Variants in CYP2C8 observed in about 807,000 individuals in gnomAD.
CYP2C8 encodes cytochrome P450 family 2 subfamily C member 8.
CYP2C8 carries 51 observed loss-of-function variants against 41.3 expected under a neutral mutation model. That is an observed-to-expected ratio of 1.24 (90% confidence interval 0.99 to 1.56). The LOEUF is 1.56. Among genes scored for constraint, CYP2C8 ranks in the 40% most tolerant of loss-of-function variants. CYP2C8 has a pLI of 0.00. For missense variants in CYP2C8, 651 were observed against 579.9 expected (o/e 1.12, Z -1.26); for synonymous variants, 218 against 205.8 (o/e 1.06, Z -0.51).
chr10:95,063,689 C>T (rs1348324801), intron 4 of CYP2C8, among the ~76,000 whole-genome samples: 1 of 152,250 alleles, frequency 6.6e-6, no homozygotes, highest in Non-Finnish European at 1.5e-5. Context: ...TGAGGAGCTG[C>T]ATTCCTTTGG....
chr10:95,064,288 T>A (rs951446463), intron 4 of CYP2C8, among the ~76,000 whole-genome samples: 1 of 152,068 alleles, frequency 6.6e-6, no homozygotes, highest in African/African-American at 2.4e-5. Flanking sequence ...CAGATCGAGC[T>A]TCCTGGTGGT....
At chr10:95,047,686 G>GT (rs1484105756) in intron 5 of CYP2C8, among the ~76,000 whole-genome samples, 1 of 152,140 alleles carries the variant, frequency 6.6e-6, no homozygotes, top group East Asian at 1.9e-4. Flanking sequence ...ATAAAGAAGA[G>GT]TAGGGGCAAT....
At chr10:95,053,645 C>T (rs181872935) in intron 5 of CYP2C8, among the ~76,000 whole-genome samples, 1,616 of 152,174 alleles carry the variant, frequency 0.011, 25 homozygotes, top group African/African-American at 0.037. Context: ...AAACATCGTT[C>T]TCAGCAAACT....
chr10:95,045,999 T>G, intron 5 of CYP2C8, 48 bp from the exon 6 acceptor site: 6 of 1,600,348 alleles, frequency 3.7e-6, no homozygotes, highest in Non-Finnish European at 4.3e-6. Flanking sequence ...TGCCAGTATA[T>G]CTAAATACAC....
intron 6 of CYP2C8, among the ~76,000 whole-genome samples, chr10:95,044,937 C>A (rs897668274): frequency 6.6e-6 from 1 of 152,208 alleles, no homozygotes. Flanking sequence ...TGTCAATTGT[C>A]AGCCCTCCAT....
At chr10:95,043,459 T>G (rs886179972) in intron 6 of CYP2C8, among the ~76,000 whole-genome samples, 1 of 152,214 alleles carries the variant, frequency 6.6e-6, no homozygotes, top group African/African-American at 2.4e-5. Context: ...AATGGTTTTA[T>G]AAATATATTT....
At position 95,067,362 on chromosome 10, in the gene CYP2C8, T is replaced by TAA. The variant is rs11572078; in HGVS notation, c.332-7_332-6dup. On this transcript the variant is annotated splice_region_variant and splice_polypyrimidine_tract_variant and intron_variant, in intron 2 of 8. Transcript: ENST00000371270. ...TTCCATTGCTGGAAATGATTCCTAA[T>TAA]AAAAAAAGGGGCAGAAACTGGGAGA... is the stretch of plus-strand genomic sequence containing the variant. 7.3e-5 allele frequency: 117 copies of TAA among 1,613,588 alleles called. 1 individual carries two copies. In the Middle Eastern group the frequency reaches 1.2e-3, roughly 16 times the overall value.
At chr10:95,043,809 A>G (rs1475573316) in intron 6 of CYP2C8, among the ~76,000 whole-genome samples, 1 of 151,834 alleles carries the variant, frequency 6.6e-6, no homozygotes, top group African/African-American at 2.4e-5. Context: ...TTAGACCACA[A>G]TTTCTGGTTA....
At chr10:95,061,597 G>T (rs562313332) in intron 4 of CYP2C8, among the ~76,000 whole-genome samples, 1 of 152,176 alleles carries the variant, frequency 6.6e-6, no homozygotes, top group South Asian at 2.1e-4. Flanking sequence ...CTAGCTCCTG[G>T]ATTCATTGAT....
rs761921124 is a variant in CYP2C8 at position 95,042,887 on chromosome 10, T to C, written c.1149+3A>G. The C allele has an allele frequency of 6.2e-7, 1 of 1,612,322 alleles. No individual in the cohort carries two copies. The highest frequency in any genetic ancestry group is 8.5e-7 in the Non-Finnish European group (1 of 1,178,358). ...AAATATAGTGTAAGAGAAACAAGCT[T>C]ACCTTGGGGATGAGGTAGTTTCTGA... On this transcript the variant is annotated splice_donor_region_variant and intron_variant, in intron 7 of 8. Transcript: ENST00000371270.
intron 5 of CYP2C8, among the ~76,000 whole-genome samples, chr10:95,054,411 T>C (rs2033272721): frequency 1.3e-5 from 2 of 152,062 alleles, no homozygotes; most frequent in African/African-American, 4.8e-5. Context: ...AAATTTCTTA[T>C]GAGAAAATGT....
rs1204255739 is a variant in CYP2C8, at chr10:95,069,220, A to G, written c.168+15T>C. ...ACCCTTTGCAATTGGCTGGAGGAAC[A>G]TAAGGCAGACTTACATTGGTGAAAG... On this transcript the variant is annotated intron_variant, in intron 1 of 8. Transcript: ENST00000371270. The G allele has an allele frequency of 6.2e-7, 1 of 1,614,036 alleles. No homozygotes were observed. Among genetic ancestry groups the G allele is most frequent in the African/African-American group, 1.3e-5 (1 of 74,952 alleles).
rs181052138 is a variant in CYP2C8 at position 95,039,009 on chromosome 10, G to A, written c.1179C>T (p.Ser393=). The change falls in exon 8 of 9, where the codon TCC becomes TCT. Residue 393 remains serine (S), a synonymous_variant. Transcript: ENST00000371270. ...GAAATTCTTTGTCATCATGTAGCACGGAAGTCAGTAATGCCATTATGGTTG... is the reference window on the plus strand; with the variant it reads ...GAAATTCTTTGTCATCATGTAGCACAGAAGTCAGTAATGCCATTATGGTTG... ...KGTTIMALLT[S]VLHDDKEFPN... 2.1e-5 allele frequency: 34 copies of A among 1,613,494 alleles called. No individual in the cohort carries two copies. Among genetic ancestry groups the A allele is most frequent in the African/African-American group, 8.0e-5 (6 of 75,032 alleles).
At position 95,039,193 on chromosome 10, in the gene CYP2C8, G is replaced by A. The variant is rs530262693; in HGVS notation, c.1150-155C>T. ...TTACATGGATGAGCTTAAGGCCAGT[G>A]GTGGAAGCTTGCTAAAGAGCTTTCC... On this transcript the variant is annotated intron_variant, in intron 7 of 8. Transcript: ENST00000371270. 8.2e-5 allele frequency: 57 copies of A among 694,742 alleles called. 1 individual carries two copies. The African/African-American group carries it at 8.5e-4, about 10-fold the overall frequency. 43.0% of individuals were successfully genotyped at this position (694,742 alleles called of 1,614,324 possible).
chr10:95,043,719 C>T (rs978222977), intron 6 of CYP2C8, among the ~76,000 whole-genome samples: 3 of 152,058 alleles, frequency 2.0e-5, no homozygotes, highest in Non-Finnish European at 4.4e-5. Context: ...CACACGCCCA[C>T]AAAGTTATAT....
intron 5 of CYP2C8, among the ~76,000 whole-genome samples, chr10:95,052,915 A>T (rs979439137): frequency 2.0e-5 from 3 of 152,184 alleles, no homozygotes; most frequent in Non-Finnish European, 4.4e-5. Flanking sequence ...CACCACTGTT[A>T]TTCAACATTG....
Position 95,045,800 on chromosome 10 carries a change from G to A in CYP2C8, c.961+10C>T. Reference sequence around the variant, plus strand: ...CTGAAATTCACTTTGTTCATCATCTGTGGTCCTACCTGTGACCTCTGGGTG... The same window carrying A: ...CTGAAATTCACTTTGTTCATCATCTATGGTCCTACCTGTGACCTCTGGGTG... On this transcript the variant is annotated intron_variant, in intron 6 of 8. Coordinates refer to ENST00000371270, the MANE Select transcript of CYP2C8 (RefSeq NM_000770.3). The A allele has an allele frequency of 6.2e-7, 1 of 1,613,904 alleles. No homozygotes were observed. Among genetic ancestry groups the A allele is most frequent in the Non-Finnish European group, 8.5e-7 (1 of 1,179,816 alleles).
At chr10:95,063,475 G>T (rs920686317) in intron 4 of CYP2C8, among the ~76,000 whole-genome samples, 4 of 152,184 alleles carry the variant, frequency 2.6e-5, no homozygotes, top group African/African-American at 9.7e-5. Flanking sequence ...CTCCTGCCAT[G>T]GTTTTCAGCT....
chr10:95,056,352 A>T (rs1411046543), intron 5 of CYP2C8, among the ~76,000 whole-genome samples: 1 of 152,190 alleles, frequency 6.6e-6, no homozygotes, highest in Non-Finnish European at 1.5e-5. Flanking sequence ...TTTCTCAAAA[A>T]GTTAAACATA....
Sources: allele counts gnomAD v4.1 joint callset (sites outside exome capture counted in the v4.1 genomes callset), GRCh38; gene constraint gnomAD v4.1.1; transcripts MANE v1.5; gene names NCBI Gene and HGNC (gene_info 2026-07-23, HGNC 2026-07-21).